Variants in COL23A1 observed in about 807,000 individuals in gnomAD.
COL23A1 encodes collagen type XXIII alpha 1 chain, also known as collagen alpha-1(XXIII) chain.
Under a neutral mutation model 99.3 loss-of-function variants are expected in COL23A1, and 97 were observed. The observed-to-expected ratio is 0.98, with a 90% CI of 0.83 to 1.16. The LOEUF is 1.16. Among genes scored for constraint, COL23A1 ranks in the 50% most tolerant of loss-of-function variants. COL23A1 has a pLI of 0.00. For missense variants in COL23A1, 762 were observed against 757.4 expected (o/e 1.01, Z -0.07); for synonymous variants, 320 against 308.2 (o/e 1.04, Z -0.40).
At chr5:178,547,395 G>C (rs1761644923) in intron 2 of COL23A1, among the ~76,000 whole-genome samples, 1 of 151,560 alleles carries the variant, frequency 6.6e-6, no homozygotes, top group South Asian at 2.1e-4. Flanking sequence ...TTTTGGACTT[G>C]ATAGTCCCCA....
At chr5:178,479,453 G>T (rs539589) in intron 2 of COL23A1, among the ~76,000 whole-genome samples, 4,350 of 152,248 alleles carry the variant, frequency 0.029, 194 homozygotes, top group African/African-American at 0.093. Context: ...TCACCCATGC[G>T]CCACAGCGGC....
chr5:178,506,411 G>C (rs1417702884), intron 2 of COL23A1, among the ~76,000 whole-genome samples: 1 of 152,160 alleles, frequency 6.6e-6, no homozygotes. Context: ...ACATCTGCAG[G>C]CTGGCTTCAG....
chr5:178,358,019 T>TGTGTGTATGC (rs1761826288), intron 2 of COL23A1, among the ~76,000 whole-genome samples: 1 of 142,640 alleles, frequency 7.0e-6, no homozygotes, highest in Non-Finnish European at 1.5e-5. Flanking sequence ...TGTGTGTATG[T>TGTGTGTATGC]GTGTGTATGC....
intron 2 of COL23A1, among the ~76,000 whole-genome samples, chr5:178,469,929 C>A (rs1276423185): frequency 6.6e-6 from 1 of 152,188 alleles, no homozygotes; most frequent in Non-Finnish European, 1.5e-5. Flanking sequence ...TCCCAGGCAC[C>A]TCCTCTCACT....
At chr5:178,556,313 A>T (rs548137240) in intron 2 of COL23A1, among the ~76,000 whole-genome samples, 2 of 152,234 alleles carry the variant, frequency 1.3e-5, no homozygotes, top group African/African-American at 4.8e-5. Context: ...GAGGAGGAGG[A>T]GTTACTACTT....
At position 178,518,560 on chromosome 5, in the gene COL23A1, G is replaced by GGCGCTCCTC. The variant is rs1486947880; in HGVS notation, c.361+42121_361+42122insGAGGAGCGC. On this transcript the variant is annotated intron_variant, in intron 2 of 28. Coordinates refer to ENST00000390654, the MANE Select transcript of COL23A1 (RefSeq NM_173465.4). ...TTCTCAGACGGGGCGGCCGGGCAGA[G>GGCGCTCCTC]ACGCTCCTCACCTCCCAGATGGGGC... 2.7e-5 allele frequency among the ~76,000 whole-genome samples: 4 copies of GGCGCTCCTC among 149,588 alleles called. No homozygotes were observed. The South Asian group carries it at 6.3e-4, about 24-fold the overall frequency.
Position 178,308,916 on chromosome 5 carries a change from C to T in COL23A1, c.362-1997G>A, listed in dbSNP as rs1186068334. On this transcript the variant is annotated intron_variant, in intron 2 of 28. Coordinates refer to ENST00000390654, the MANE Select transcript of COL23A1 (RefSeq NM_173465.4). This position sits in a 1 kb window ranked among gnomAD's most constrained non-coding sequence, Gnocchi z 5.1. Reference sequence around the variant, plus strand: ...CCCCGGCACACGCAGCACCATGTTCCTCGGGCTGTAGGAGGAAGAAGGCCC... The same window carrying T: ...CCCCGGCACACGCAGCACCATGTTCTTCGGGCTGTAGGAGGAAGAAGGCCC... Among the ~76,000 whole-genome samples, 1 of 152,192 alleles carries T rather than the reference C, an allele frequency of 6.6e-6. No individual in the cohort carries two copies. Among genetic ancestry groups the T allele is most frequent in the Non-Finnish European group, 1.5e-5 (1 of 68,036 alleles).
Position 178,541,886 on chromosome 5 carries a change from T to C in COL23A1, c.361+18796A>G, listed in dbSNP as rs538878448. ...TCAAATGCAGGCAGAACCAGTCTCT[T>C]AGGTGAGAAATCGGGATTATGTGCC... On this transcript the variant is annotated intron_variant, in intron 2 of 28. Transcript: ENST00000390654. 3.3e-5 allele frequency among the ~76,000 whole-genome samples: 5 copies of C among 152,284 alleles called. No individual in the cohort carries two copies. The South Asian group carries it at 1.0e-3, about 32-fold the overall frequency.
intron 2 of COL23A1, among the ~76,000 whole-genome samples, chr5:178,343,876 T>C (rs1347347576): frequency 1.3e-5 from 2 of 152,068 alleles, no homozygotes; most frequent in Admixed American, 1.3e-4. Flanking sequence ...TTGGCCAGGA[T>C]GGTCTCGATC....
intron 2 of COL23A1, among the ~76,000 whole-genome samples, chr5:178,376,133 G>A (rs1424839986): frequency 6.6e-6 from 1 of 152,170 alleles, no homozygotes; most frequent in African/African-American, 2.4e-5. Flanking sequence ...TGTGATGAAG[G>A]CACAGTCTCA....
At chr5:178,323,452 G>T (rs186009008) in intron 2 of COL23A1, among the ~76,000 whole-genome samples, 3 of 152,248 alleles carry the variant, frequency 2.0e-5, no homozygotes, top group Admixed American at 6.5e-5. Flanking sequence ...GAGAGTTCTT[G>T]GTCTCCCCAG....
intron 2 of COL23A1, among the ~76,000 whole-genome samples, chr5:178,559,349 A>G (rs1762437846): frequency 6.6e-6 from 1 of 152,228 alleles, no homozygotes; most frequent in Admixed American, 6.5e-5. Flanking sequence ...GAGAGAAGAC[A>G]AGGGACACTG....
intron 2 of COL23A1, among the ~76,000 whole-genome samples, chr5:178,314,150 G>A (rs1758853286): frequency 6.6e-6 from 1 of 152,142 alleles, no homozygotes; most frequent in African/African-American, 2.4e-5. Flanking sequence ...AGCCAGTGCT[G>A]CGGGCACTGT....
chr5:178,569,484 G>A (rs1762985180), intron 1 of COL23A1, among the ~76,000 whole-genome samples: 1 of 152,120 alleles, frequency 6.6e-6, no homozygotes, highest in South Asian at 2.1e-4. Flanking sequence ...ATTAAAAGTG[G>A]GATATTGTTA....
chr5:178,364,631 C>G (rs1158212612), intron 2 of COL23A1, among the ~76,000 whole-genome samples: 1 of 152,100 alleles, frequency 6.6e-6, no homozygotes, highest in African/African-American at 2.4e-5. Context: ...GAAGGGTGGT[C>G]GGGGAGGCGC....
chr5:178,577,328 G>GC (rs911526968), intron 1 of COL23A1, among the ~76,000 whole-genome samples: 2 of 152,072 alleles, frequency 1.3e-5, no homozygotes, highest in Non-Finnish European at 2.9e-5. Flanking sequence ...TTGGATCAGG[G>GC]CCCCCCCACA....
chr5:178,426,904 A>G (rs1344217413), intron 2 of COL23A1, among the ~76,000 whole-genome samples: 42 of 152,342 alleles, frequency 2.8e-4, no homozygotes, highest in Non-Finnish European at 4.4e-5. Flanking sequence ...TGCAGATCCA[A>G]AATAACGATG....
chr5:178,416,738 G>A (rs1228097868), intron 2 of COL23A1, among the ~76,000 whole-genome samples: 1 of 152,206 alleles, frequency 6.6e-6, no homozygotes, highest in East Asian at 1.9e-4. Flanking sequence ...ACACAGTTAA[G>A]TAGGTAACTG....
chr5:178,252,956 AG>A (rs1765113449), intron 16 of COL23A1, among the ~76,000 whole-genome samples: 1 of 152,148 alleles, frequency 6.6e-6, no homozygotes, highest in Non-Finnish European at 1.5e-5. Flanking sequence ...CTGGCATTCA[AG>A]GCCTGCCAAG....
Sources: allele counts gnomAD v4.1 joint callset (sites outside exome capture counted in the v4.1 genomes callset), GRCh38; gene constraint gnomAD v4.1.1; non-coding constraint Gnocchi (gnomAD v3.1); transcripts MANE v1.5; gene names NCBI Gene and HGNC (gene_info 2026-07-23, HGNC 2026-07-21).